FAHD1: variants seen among roughly 807,000 people sequenced by gnomAD.
FAHD1 encodes the protein FAH domain containing oxaloacetate decarboxylase 1.
FAHD1 carries 14 observed loss-of-function variants against 12.7 expected under a neutral mutation model. The ratio of observed to expected loss-of-function variants is 1.10; its 90% CI spans 0.73 to 1.72. The LOEUF (loss-of-function observed/expected upper bound fraction) is 1.72, where lower values mean the gene tolerates loss of function less well. Among genes scored for constraint, FAHD1 ranks in the 40% most tolerant of loss-of-function variants. The pLI is 0.00. For synonymous variants in FAHD1, 153 were observed against 124.9 expected, an observed-to-expected ratio of 1.22 and a Z score of -1.50; for missense variants, 351 against 298.9, an observed-to-expected ratio of 1.17 and a Z score of -1.29.
chr16:1,828,991 C>A, downstream of FAHD1: 1 of 889,794 alleles, frequency 1.1e-6, no homozygotes, highest in Non-Finnish European at 1.4e-6. Flanking sequence ...AGACCTTAGT[C>A]TTTGACCTTT....
chr16:1,839,702 T>G, exon 3 of FAHD1: 1 of 374,842 alleles, frequency 2.7e-6, no homozygotes, highest in East Asian at 5.2e-5. Flanking sequence ...TCGAGGTCCA[T>G]CCCAGTCTCA....
chr16:1,839,357 G>C, exon 3 of FAHD1: 1 of 1,614,196 alleles, frequency 6.2e-7, no homozygotes, highest in Admixed American at 1.7e-5. Flanking sequence ...AACTGAGAAA[G>C]ACAGATTTAA....
chr16:1,839,128 T>C, intron 2 of FAHD1: 2 of 1,135,762 alleles, frequency 1.8e-6, no homozygotes, highest in Non-Finnish European at 2.4e-6. Context: ...AGCAAGATGA[T>C]TTTTTCCCAG....
chr16:1,835,285 T>C (rs1003651963), intron 1 of FAHD1, among the ~76,000 whole-genome samples: 1 of 151,430 alleles, frequency 6.6e-6, no homozygotes, highest in Non-Finnish European at 1.5e-5. Context: ...AAGTATAACA[T>C]ATGAAAAAGG....
downstream of FAHD1, among the ~76,000 whole-genome samples, chr16:1,830,917 T>TACACAC (rs1555470124): frequency 0.13 from 15,186 of 114,732 alleles, 841 homozygotes; most frequent in East Asian, 0.17. Flanking sequence ...TCTCTCTCTA[T>TACACAC]ACACACACAC....
downstream of FAHD1, among the ~76,000 whole-genome samples, chr16:1,832,406 C>T (rs1353905578): frequency 2.7e-5 from 4 of 150,532 alleles, no homozygotes; most frequent in Admixed American, 2.0e-4. Flanking sequence ...CTCCGGACCT[C>T]GTGATCCACC....
chr16:1,839,697 G>C (rs1406505771), exon 3 of FAHD1: 4 of 382,500 alleles, frequency 1.0e-5, no homozygotes, highest in Non-Finnish European at 1.9e-5. Flanking sequence ...AGCCCTCGAG[G>C]TCCATCCCAG....
chr16:1,831,919 C>G (rs111908928), downstream of FAHD1, among the ~76,000 whole-genome samples: 1 of 152,098 alleles, frequency 6.6e-6, no homozygotes, highest in Non-Finnish European at 1.5e-5. Context: ...CCCGGCAATC[C>G]GTGGAAAAAC....
exon 1 of FAHD1, chr16:1,827,618 C>T: frequency 8.1e-6 from 13 of 1,613,924 alleles, no homozygotes; most frequent in Non-Finnish European, 1.1e-5. Context: ...GCGTCCTGCC[C>T]GGTCAGCGCG....
intron 1 of FAHD1, among the ~76,000 whole-genome samples, chr16:1,836,964 C>T (rs184825289): frequency 6.6e-6 from 1 of 152,118 alleles, no homozygotes; most frequent in South Asian, 2.1e-4. Flanking sequence ...AGTTGAGAAC[C>T]ATGAAGTGAA....
rs143728918 is a variant in FAHD1, at chr16:1,827,415, C to T, written c.177C>T (p.Pro59=). 1.2e-4 allele frequency: 195 copies of T among 1,610,180 alleles called. No homozygotes were observed. The African/African-American group carries it at 2.1e-3, about 18-fold the overall frequency. The stretch of plus-strand genomic sequence containing the variant: ...CCGAGGGCTCGCCCATCCTCATGCC[C>T]GCGTACACTCGCAACCTGCACCACG... Residue 59 remains proline (P), a synonymous_variant, in exon 1 of 1, where the codon CCC becomes CCT. Transcript: ENST00000427358.
intron 1 of FAHD1, among the ~76,000 whole-genome samples, chr16:1,836,730 G>A (rs1468733908): frequency 4.1e-5 from 6 of 147,312 alleles, no homozygotes; most frequent in Non-Finnish European, 7.7e-5. Context: ...TGCTCCTGCA[G>A]GATGTCCATG....
At chr16:1,836,234 G>A (rs574247034) in intron 1 of FAHD1, among the ~76,000 whole-genome samples, 3 of 152,070 alleles carry the variant, frequency 2.0e-5, no homozygotes, top group Non-Finnish European at 4.4e-5. Context: ...GTAAAATACT[G>A]TGTTACCTAA....
At chr16:1,834,336 AT>A in intron 1 of FAHD1, 2 of 1,611,862 alleles carry the variant, frequency 1.2e-6, no homozygotes, top group South Asian at 2.2e-5. Flanking sequence ...CTAATTTTCA[AT>A]CCACTCCTTG....
Position 1,827,355 on chromosome 16 carries a change from CG to C in FAHD1, c.118del (p.Val40CysfsTer4), listed in dbSNP as rs774313686. 1.2e-6 allele frequency: 2 copies of C among 1,613,070 alleles called. No homozygotes were observed. Among genetic ancestry groups the C allele is most frequent in the Admixed American group, 3.3e-5 (2 of 60,032 alleles). ...TGCGCAGCGCGGTGTTGAGCGAGCCCGTGCTGTTCCTGAAGCCGTCCACGGC... is the reference window on the plus strand; with the variant it reads ...TGCGCAGCGCGGTGTTGAGCGAGCCCTGCTGTTCCTGAAGCCGTCCACGGC... On this transcript the variant is annotated frameshift_variant, in exon 1 of 1. Transcript: ENST00000427358. LOFTEE classifies it high-confidence loss of function.
chr16:1,834,932 TCCCCCCCACC>T (rs978211273), intron 1 of FAHD1, among the ~76,000 whole-genome samples: 1 of 106,216 alleles, frequency 9.4e-6, no homozygotes, highest in African/African-American at 3.5e-5. Context: ...CGAAACTCTG[TCCCCCCCACC>T]CCCCCCCACT....
chr16:1,837,777 CACTA>C (rs1023328250), intron 1 of FAHD1: 14 of 1,408,444 alleles, frequency 9.9e-6, no homozygotes, highest in Non-Finnish European at 1.3e-5. Context: ...CTATAAAATG[CACTA>C]ACTTTTAAAT....
exon 1 of FAHD1, chr16:1,827,289 C>T (rs771725204): frequency 4.3e-6 from 7 of 1,613,020 alleles, no homozygotes; most frequent in Middle Eastern, 1.6e-4. Flanking sequence ...GAAAGAACAT[C>T]GTCTGCGTGG....
Position 1,839,135 on chromosome 16 carries a change from C to T in FAHD1, c.*9-127C>T. 5 of 1,188,596 alleles carry T rather than the reference C, an allele frequency of 4.2e-6. No homozygotes were observed. The South Asian group carries it at 7.4e-5, about 18-fold the overall frequency. The allele number at this position is 1,188,596 out of a possible 1,614,324, so 73.6% of individuals were successfully genotyped here. On this transcript the variant is annotated intron_variant, in intron 2 of 2. Coordinates refer to the FAHD1 transcript ENST00000382666. ...GTGTTTAAAGCAAGATGATTTTTTC[C>T]CAGGCTGTTTATTAGTGAATCAATT...
Sources: allele counts gnomAD v4.1 joint callset (sites outside exome capture counted in the v4.1 genomes callset), GRCh38; gene constraint gnomAD v4.1.1; transcripts MANE v1.5; gene names NCBI Gene and HGNC (gene_info 2026-07-23, HGNC 2026-07-21).